Variants in REC114 observed in about 807,000 individuals in gnomAD.
REC114 encodes meiotic recombination protein REC114.
Under a neutral mutation model 31.3 loss-of-function variants are expected in REC114, and 27 were observed. That is an observed-to-expected ratio of 0.86 (90% CI 0.64 to 1.19). The LOEUF (loss-of-function observed/expected upper bound fraction) is 1.19, where lower values mean the gene tolerates loss of function less well. Among genes scored for constraint, REC114 ranks in the 50% most tolerant of loss-of-function variants. The pLI, the probability that REC114 is intolerant of heterozygous loss-of-function variation, is 0.00. For synonymous variants in REC114, 134 were observed against 127.7 expected (o/e 1.05, Z -0.33); for missense variants, 344 against 326.9 (o/e 1.05, Z -0.40).
At chr15:73,503,277 C>T (rs1893625894) in intron 2 of REC114, among the ~76,000 whole-genome samples, 1 of 152,152 alleles carries the variant, frequency 6.6e-6, no homozygotes, top group Admixed American at 6.5e-5. Flanking sequence ...TTCATACGTT[C>T]CCCAGTGTTT....
At chr15:73,451,291 A>C (rs941997405) in intron 1 of REC114, among the ~76,000 whole-genome samples, 1 of 152,216 alleles carries the variant, frequency 6.6e-6, no homozygotes, top group Non-Finnish European at 1.5e-5. Context: ...AAAAATGATA[A>C]AGGGGCTGTC....
chr15:73,530,613 A>C (rs1894065891), intron 2 of REC114, among the ~76,000 whole-genome samples: 1 of 152,164 alleles, frequency 6.6e-6, no homozygotes. Context: ...GTACCACTGC[A>C]CTCCATCCTT....
At chr15:73,467,225 G>C (rs1893074184) in intron 1 of REC114, among the ~76,000 whole-genome samples, 1 of 152,126 alleles carries the variant, frequency 6.6e-6, no homozygotes, top group South Asian at 2.1e-4. Flanking sequence ...CCAACAAAAT[G>C]TTTTTTTCAG....
intron 2 of REC114, among the ~76,000 whole-genome samples, chr15:73,481,935 A>G (rs1365554064): frequency 6.6e-6 from 1 of 152,096 alleles, no homozygotes; most frequent in Non-Finnish European, 1.5e-5. Flanking sequence ...CTGGGATTAC[A>G]GGCGTGAGCC....
intron 2 of REC114, among the ~76,000 whole-genome samples, chr15:73,481,950 C>T (rs571293724): frequency 1.1e-4 from 16 of 152,166 alleles, no homozygotes; most frequent in Admixed American, 8.5e-4. Context: ...TGAGCCACTG[C>T]GCCTGGCCTA....
intron 2 of REC114, among the ~76,000 whole-genome samples, chr15:73,533,628 T>G (rs1288328949): frequency 6.9e-6 from 1 of 144,748 alleles, no homozygotes; most frequent in Non-Finnish European, 1.5e-5. Context: ...GACAGATCAA[T>G]GAGACAGAAA....
chr15:73,557,453 A>G (rs1894487800), intron 5 of REC114, among the ~76,000 whole-genome samples: 1 of 151,718 alleles, frequency 6.6e-6, no homozygotes, highest in Non-Finnish European at 1.5e-5. Flanking sequence ...GGTTTTCTCC[A>G]TCTGGCTTGC....
In REC114 at chr15:73,537,406, G is replaced by C. The variant is rs1389012309; in HGVS notation, c.250-3079G>C. ...CCATAAAGCAGCTCAACTAAGAGTT[G>C]CTGTTGAGGAGGAAGGGCACACCCC... On this transcript the variant is annotated intron_variant, in intron 2 of 5. Transcript: ENST00000331090. Among the ~76,000 whole-genome samples the C allele has an allele frequency of 2.0e-5, 3 of 152,182 alleles. No homozygotes were observed. In the East Asian group the frequency reaches 5.8e-4, roughly 29 times the overall value.
At chr15:73,485,276 G>T (rs955058471) in intron 2 of REC114, among the ~76,000 whole-genome samples, 1 of 152,048 alleles carries the variant, frequency 6.6e-6, no homozygotes, top group Admixed American at 6.6e-5. Flanking sequence ...TAGAGACAGG[G>T]TTTCACCGTG....
intron 1 of REC114, among the ~76,000 whole-genome samples, chr15:73,464,517 C>T (rs890992235): frequency 6.6e-6 from 1 of 152,014 alleles, no homozygotes; most frequent in African/African-American, 2.4e-5. Flanking sequence ...CTTTTCACTC[C>T]TGGGTGTCAT....
At chr15:73,447,983 C>T (rs1247125824) in intron 1 of REC114, among the ~76,000 whole-genome samples, 2 of 152,158 alleles carry the variant, frequency 1.3e-5, no homozygotes, top group Non-Finnish European at 2.9e-5. Flanking sequence ...ATGGTCTTTG[C>T]AATCAGCAGG....
At chr15:73,496,262 G>C (rs996001421) in intron 2 of REC114, among the ~76,000 whole-genome samples, 1 of 138,188 alleles carries the variant, frequency 7.2e-6, no homozygotes, top group African/African-American at 2.8e-5. Flanking sequence ...TGAAGCAGGA[G>C]AAATGCTTGA....
chr15:73,517,478 A>G lies in REC114; in HGVS notation c.250-23007A>G, dbSNP rs1417091413. 2.0e-5 allele frequency among the ~76,000 whole-genome samples: 3 copies of G among 152,320 alleles called. No individual in the cohort carries two copies. The South Asian group carries it at 6.2e-4, about 32-fold the overall frequency. On this transcript the variant is annotated intron_variant, in intron 2 of 5. Transcript: ENST00000331090. ...GAATAGATTTATTTAAAAGATATTT[A>G]AGAGCAAAAACCAATCGGACTTAGT...
chr15:73,495,330 A>C (rs892108904), intron 2 of REC114, among the ~76,000 whole-genome samples: 1 of 151,876 alleles, frequency 6.6e-6, no homozygotes, highest in Non-Finnish European at 1.5e-5. Flanking sequence ...CTAGATTTGT[A>C]GTTTCGAAAA....
intron 2 of REC114, among the ~76,000 whole-genome samples, chr15:73,508,473 T>C (rs1163549008): frequency 6.6e-6 from 1 of 151,576 alleles, no homozygotes; most frequent in African/African-American, 2.4e-5. Flanking sequence ...CTTTAAGTTT[T>C]AGGGTATATG....
chr15:73,500,329 C>T (rs998898717), intron 2 of REC114, among the ~76,000 whole-genome samples: 1 of 139,016 alleles, frequency 7.2e-6, no homozygotes, highest in African/African-American at 2.6e-5. Context: ...TGCTGTCACC[C>T]TTTCTTTCCT....
chr15:73,498,614 C>A (rs1024238914), intron 2 of REC114, among the ~76,000 whole-genome samples: 1 of 152,240 alleles, frequency 6.6e-6, no homozygotes, highest in East Asian at 1.9e-4. Context: ...AAATGAGTTT[C>A]TGCTTTGTTC....
At chr15:73,542,427 C>T (rs988229808) in intron 3 of REC114, among the ~76,000 whole-genome samples, 1 of 152,056 alleles carries the variant, frequency 6.6e-6, no homozygotes, top group African/African-American at 2.4e-5. Context: ...GTTGGCATCT[C>T]GGTAATTCTC....
chr15:73,551,129 G>A lies in REC114; in HGVS notation c.525G>A (p.Lys175=). The change falls in exon 4 of 6, where the codon AAG becomes AAA. Residue 175 remains lysine (K), a synonymous_variant. Transcript: ENST00000331090. ...AAAGTCAAGGGAAGGATTCTGCAAA[G>A]AGTGTCCCACGGCAGCCTGGAGTAA... ...ATESQGKDSA[K]SVPRQPGSHQ... 1 of 1,609,988 alleles carries A rather than the reference G, an allele frequency of 6.2e-7. No homozygotes were observed. Among genetic ancestry groups the A allele is most frequent in the Non-Finnish European group, 8.5e-7 (1 of 1,178,092 alleles).
Sources: gnomAD v4.1 joint callset for allele counts (sites outside exome capture counted in the v4.1 genomes callset) on GRCh38, gnomAD v4.1.1 for gene constraint, MANE v1.5 for transcripts, NCBI Gene and HGNC (gene_info 2026-07-23, HGNC 2026-07-21) for gene names.